Variants in COL4A3 observed in about 807,000 individuals in gnomAD.
COL4A3 encodes the protein collagen type IV alpha 3 chain.
A neutral mutation model predicts 217.4 loss-of-function variants in COL4A3; 135 were observed. That is an observed-to-expected ratio of 0.62 (90% confidence interval 0.54 to 0.72). The LOEUF is 0.72. Ranked by LOEUF, COL4A3 falls within the 30% of genes least tolerant of loss-of-function variation. The pLI is 0.00. For missense variants in COL4A3, 1,868 were observed against 2,119.9 expected (o/e 0.88, Z 2.33); for synonymous variants, 690 against 736.3 (o/e 0.94, Z 1.02).
chr2:227,276,740 A>G (rs1486532828), intron 27 of COL4A3, among the ~76,000 whole-genome samples: 1 of 152,240 alleles, frequency 6.6e-6, no homozygotes. Flanking sequence ...GGAATTTTAG[A>G]GCAGAAAAAC....
At chr2:227,168,874 CT>C (rs61092725) in intron 1 of COL4A3, among the ~76,000 whole-genome samples, 15,133 of 150,556 alleles carry the variant, frequency 0.1, 1,860 homozygotes, top group African/African-American at 0.29. Context: ...TTCTTTCCTT[CT>C]TTTTTTTCTT....
chr2:227,249,212 G>GTGTATATATATA lies in COL4A3; in HGVS notation c.546+693_546+694insGTATATATATAT, dbSNP rs1199261361. ...AATTATATATAACCAAAATTAGCTA[G>GTGTATATATATA]TATATATATATATATATATTTTTTT... On this transcript the variant is annotated intron_variant, in intron 9 of 51. Coordinates refer to ENST00000396578, the MANE Select transcript of COL4A3 (RefSeq NM_000091.5). Among the ~76,000 whole-genome samples, 15 of 33,226 alleles carry GTGTATATATATA rather than the reference G, an allele frequency of 4.5e-4. 1 individual carries two copies. Among genetic ancestry groups the GTGTATATATATA allele is most frequent in the East Asian group, 1.6e-3 (1 of 638 alleles). The allele number at this position is 33,226 out of a possible 152,430, so 21.8% of individuals were successfully genotyped here. A position where few individuals can be genotyped will look rare whatever the true frequency, so the allele number is the denominator to read the frequency against.
intron 1 of COL4A3, among the ~76,000 whole-genome samples, chr2:227,193,124 G>C (rs1184697047): frequency 6.6e-6 from 1 of 152,124 alleles, no homozygotes; most frequent in African/African-American, 2.4e-5. Flanking sequence ...ATAGGACTAA[G>C]TGCATCTCCT....
chr2:227,210,057 TA>T lies in COL4A3; in HGVS notation c.88-27909del, dbSNP rs113547836. On this transcript the variant is annotated intron_variant, in intron 1 of 51. Coordinates refer to ENST00000396578, the MANE Select transcript of COL4A3 (RefSeq NM_000091.5). ...ATTGTAAAGATCTAATGAGTTCCTG[TA>T]AGTAAAGTTCTTAATACAGTGCCAG... Among the ~76,000 whole-genome samples, 1,137 of 152,318 alleles carry T rather than the reference TA, an allele frequency of 7.5e-3. 12 individuals carry two copies. Among genetic ancestry groups the T allele is most frequent in the African/African-American group, 0.025 (1,020 of 41,570 alleles).
chr2:227,233,563 G>A (rs1350158383), intron 1 of COL4A3, among the ~76,000 whole-genome samples: 1 of 152,144 alleles, frequency 6.6e-6, no homozygotes, highest in East Asian at 1.9e-4. Context: ...TAACTAATAA[G>A]CTGGTACTCA....
intron 23 of COL4A3, among the ~76,000 whole-genome samples, chr2:227,267,944 C>A (rs2071010473): frequency 6.6e-6 from 1 of 152,198 alleles, no homozygotes; most frequent in African/African-American, 2.4e-5. Context: ...TTTCGACCTC[C>A]CCGTCTTCAG....
At chr2:227,242,455 G>GTCA (rs1346891247) in intron 3 of COL4A3, among the ~76,000 whole-genome samples, 1 of 152,164 alleles carries the variant, frequency 6.6e-6, no homozygotes, top group Non-Finnish European at 1.5e-5. Flanking sequence ...TTATGGAGGT[G>GTCA]TCATCATGTG....
intron 1 of COL4A3, among the ~76,000 whole-genome samples, chr2:227,171,319 T>G (rs1036676794): frequency 2.6e-5 from 4 of 152,192 alleles, no homozygotes; most frequent in Non-Finnish European, 5.9e-5. Flanking sequence ...TGTATGTAGA[T>G]TCACACGCTT....
intron 1 of COL4A3, among the ~76,000 whole-genome samples, chr2:227,208,807 T>C (rs2894629): frequency 0.071 from 6,524 of 92,190 alleles, 248 homozygotes; most frequent in South Asian, 0.27. Context: ...CACACACACA[T>C]ATATACAGAA....
intron 1 of COL4A3, among the ~76,000 whole-genome samples, chr2:227,189,785 A>G (rs912617574): frequency 1.3e-5 from 2 of 152,202 alleles, no homozygotes; most frequent in African/African-American, 2.4e-5. Context: ...TGGACCTAGC[A>G]TTTCAAAGAT....
intron 51 of COL4A3, 27 bp from the exon 52 acceptor site, chr2:227,311,759 A>G: frequency 6.2e-7 from 1 of 1,606,862 alleles, no homozygotes; most frequent in Non-Finnish European, 8.5e-7. Flanking sequence ...TAAATAAATG[A>G]ATTTTTTTGG....
At position 227,244,394 on chromosome 2, in the gene COL4A3, G is replaced by A. The variant is rs375611932; in HGVS notation, c.279+30G>A. The stretch of plus-strand genomic sequence containing the variant: ...GTAGTCCAACCAGTCCACCCTGATC[G>A]TTAAAAGATCAGCTTTTCACAGTAA... On this transcript the variant is annotated intron_variant, in intron 4 of 51. Transcript: ENST00000396578. The A allele has an allele frequency of 4.1e-5, 65 of 1,600,928 alleles. 1 individual carries two copies. The highest frequency in any genetic ancestry group is 3.9e-4 in the South Asian group (35 of 90,816).
intron 35 of COL4A3, among the ~76,000 whole-genome samples, chr2:227,289,744 C>T (rs1417709196): frequency 3.9e-4 from 60 of 152,032 alleles, no homozygotes; most frequent in Non-Finnish European, 1.9e-4. Flanking sequence ...ACTTTTTTCC[C>T]GCTGGTGTTG....
chr2:227,203,465 GTATA>G lies in COL4A3; in HGVS notation c.88-34499_88-34496del, dbSNP rs1334047151. 9.6e-5 allele frequency among the ~76,000 whole-genome samples: 4 copies of G among 41,588 alleles called. 2 individuals are homozygous for G. Among genetic ancestry groups the G allele is most frequent in the East Asian group, 1.5e-3 (2 of 1,360 alleles). The allele number at this position is 41,588 out of a possible 152,430, so 27.3% of individuals were successfully genotyped here. ...TATGTGTATACATACATATATGTGT[GTATA>G]TATGTGTATACATATGTGTGTATAT... On this transcript the variant is annotated intron_variant, in intron 1 of 51. Transcript: ENST00000396578.
intron 1 of COL4A3, among the ~76,000 whole-genome samples, chr2:227,189,371 G>T (rs921389725): frequency 1.3e-5 from 2 of 152,142 alleles, no homozygotes; most frequent in Non-Finnish European, 2.9e-5. Flanking sequence ...AGGTGTGGTG[G>T]TGATCCCCGT....
chr2:227,241,342 T>C (rs1199028583), intron 3 of COL4A3, among the ~76,000 whole-genome samples: 2 of 152,154 alleles, frequency 1.3e-5, no homozygotes, highest in Non-Finnish European at 2.9e-5. Context: ...TTATAATTGA[T>C]CTATACAGGT....
chr2:227,185,739 A>G (rs996081103), intron 1 of COL4A3, among the ~76,000 whole-genome samples: 1 of 152,226 alleles, frequency 6.6e-6, no homozygotes, highest in Non-Finnish European at 1.5e-5. Context: ...CTGGTTTTCA[A>G]ACTTCAGTGT....
Position 227,293,319 on chromosome 2 carries a change from T to C in COL4A3, c.3337+2T>C, listed in dbSNP as rs778061782. The stretch of plus-strand genomic sequence containing the variant: ...GTCCTGGAAGTCCTGGCCTCCCAGG[T>C]AAGGCTTGAGTTTACAATTCTAAAA... On this transcript the variant is annotated splice_donor_variant, in intron 38 of 51. Transcript: ENST00000396578. LOFTEE classifies it high-confidence loss of function. The C allele has an allele frequency of 6.2e-7, 1 of 1,613,768 alleles. No individual in the cohort carries two copies. Among genetic ancestry groups the C allele is most frequent in the South Asian group, 1.1e-5 (1 of 91,068 alleles).
chr2:227,222,241 C>T (rs768450721), intron 1 of COL4A3: 1 of 151,998 alleles, frequency 6.6e-6, no homozygotes, highest in African/African-American at 2.4e-5. Context: ...CCTTCAGCCC[C>T]CTGCCCCTGA....
Sources: allele counts gnomAD v4.1 joint callset (sites outside exome capture counted in the v4.1 genomes callset), GRCh38; gene constraint gnomAD v4.1.1; transcripts MANE v1.5; gene names NCBI Gene and HGNC (gene_info 2026-07-23, HGNC 2026-07-21).